Variants in CARD6 observed in about 807,000 individuals in gnomAD.
The protein encoded by CARD6 is caspase recruitment domain family member 6, also known as caspase recruitment domain-containing protein 6.
A neutral mutation model predicts 23.6 loss-of-function variants in CARD6; 27 were observed. That is an observed-to-expected ratio of 1.14 (90% CI 0.84 to 1.58). The LOEUF (loss-of-function observed/expected upper bound fraction) is 1.58. Among genes scored for constraint, CARD6 ranks in the 40% most tolerant of loss-of-function variants. The pLI is 0.00. For synonymous variants in CARD6, 397 were observed against 431.8 expected (o/e 0.92, Z 1.00); for missense variants, 1,214 against 1,209.9 (o/e 1.00, Z -0.05).
In CARD6 at chr5:40,841,568, T is replaced by C. The variant is rs762828782; in HGVS notation, c.186T>C (p.Ile62=). 9 of 1,614,078 alleles carry C rather than the reference T, an allele frequency of 5.6e-6. No homozygotes were observed. In the East Asian group the frequency reaches 2.0e-4, roughly 36 times the overall value. ...TGAAGAAAAGTCGGAAGCTGTTAAT[T>C]TTGGTACAGAAAAAGGGAGAGGCGA... is the stretch of plus-strand genomic sequence containing the variant. ...DLLKKSRKLL[I]LVQKKGEATC... The change falls in exon 1 of 3, where the codon ATT becomes ATC. Residue 62 remains isoleucine, a synonymous_variant. Transcript: ENST00000254691.
At chr5:40,846,916 C>T (rs1745976576) in intron 2 of CARD6, among the ~76,000 whole-genome samples, 1 of 152,134 alleles carries the variant, frequency 6.6e-6, no homozygotes, top group African/African-American at 2.4e-5. Flanking sequence ...ATTCTGTTGA[C>T]CAAAGCAAGT....
At position 40,854,329 on chromosome 5, in the gene CARD6, T is replaced by TCCC. The variant is rs772413694; in HGVS notation, c.2999_3001dup (p.Pro1000dup). The TCCC allele has an allele frequency of 2.4e-5, 39 of 1,613,914 alleles. No homozygotes were observed. The highest frequency in any genetic ancestry group is 3.2e-5 in the Non-Finnish European group (38 of 1,180,006). On this transcript the variant is annotated inframe_insertion, in exon 3 of 3. Transcript: ENST00000254691. ...AGCCTAAGCCAAGCCAGCCCTGGCC[T>TCCC]CCCCAGTCTAAGCCTTCTCAGCCCA...
At chr5:40,850,567 A>AG (rs1364316389) in intron 2 of CARD6, among the ~76,000 whole-genome samples, 3 of 150,494 alleles carry the variant, frequency 2.0e-5, no homozygotes, top group Non-Finnish European at 3.0e-5. Context: ...AAAAAAAAAA[A>AG]AAAAATTAGC....
chr5:40,841,691 G>A, intron 1 of CARD6, 26 bp downstream of exon 1: 4 of 1,567,624 alleles, frequency 2.6e-6, no homozygotes, highest in African/African-American at 1.4e-5. Context: ...ATACTTTTTG[G>A]GGTGAGAGGA....
At position 40,853,890 on chromosome 5, in the gene CARD6, A is replaced by G. The variant is rs187760413; in HGVS notation, c.2558A>G (p.Tyr853Cys). Residue 853 changes from tyrosine to cysteine, a missense_variant, in exon 3 of 3, where the codon TAT (tyrosine) becomes TGT (cysteine). Coordinates refer to ENST00000254691, the MANE Select transcript of CARD6 (RefSeq NM_032587.4). ...GTAGCCTCCAAGATAGGTCACTCCTATTCCCTGGATTCACAGCCAGCAAGA... is the reference window on the plus strand; with the variant it reads ...GTAGCCTCCAAGATAGGTCACTCCTGTTCCCTGGATTCACAGCCAGCAAGA... ...RAVASKIGHS[Y>C]SLDSQPARAV... is the part of the protein sequence containing the mutation. 398 of 1,614,170 alleles carry G rather than the reference A, an allele frequency of 2.5e-4. 2 individuals are homozygous for G. Among genetic ancestry groups the G allele is most frequent in the Non-Finnish European group, 1.1e-4 (130 of 1,180,030 alleles).
chr5:40,849,670 C>T (rs1746024110), intron 2 of CARD6, among the ~76,000 whole-genome samples: 1 of 152,116 alleles, frequency 6.6e-6, no homozygotes, highest in South Asian at 2.1e-4. Context: ...TATGTACTAT[C>T]TCTGTATTTA....
At chr5:40,846,851 TC>T (rs1189962313) in intron 2 of CARD6, among the ~76,000 whole-genome samples, 1 of 152,188 alleles carries the variant, frequency 6.6e-6, no homozygotes, top group Non-Finnish European at 1.5e-5. Context: ...CTGGGGGACT[TC>T]ATATCTTTTT....
intron 1 of CARD6, among the ~76,000 whole-genome samples, chr5:40,842,370 T>C (rs1745876513): frequency 6.6e-6 from 1 of 152,332 alleles, no homozygotes; most frequent in African/African-American, 2.4e-5. Context: ...AAGGTGAATG[T>C]TAGTGATACC....
In CARD6 at chr5:40,852,300, G is replaced by C; in HGVS notation, c.968G>C (p.Gly323Ala). 1 of 1,614,120 alleles carries C rather than the reference G, an allele frequency of 6.2e-7. No individual in the cohort carries two copies. Among genetic ancestry groups the C allele is most frequent in the Non-Finnish European group, 8.5e-7 (1 of 1,179,976 alleles). Reference protein sequence around the residue: ...RGCKWTPESPGDLAWNFLMKV... With the variant: ...RGCKWTPESPADLAWNFLMKV... ...TGTAAGTGGACCCCTGAGAGTCCAG[G>C]AGACTTAGCCTGGAATTTCCTGATG... is the stretch of plus-strand genomic sequence containing the variant. Residue 323 changes from glycine (G) to alanine (A), a missense_variant, in exon 3 of 3, where the codon GGA becomes GCA. Coordinates refer to ENST00000254691, the MANE Select transcript of CARD6 (RefSeq NM_032587.4).
intron 2 of CARD6, among the ~76,000 whole-genome samples, chr5:40,850,303 A>G (rs1252847338): frequency 1.3e-5 from 2 of 149,598 alleles, no homozygotes; most frequent in African/African-American, 2.5e-5. Context: ...GGTCCCAGCT[A>G]CTTGGGAGGC....
In CARD6 at chr5:40,852,272, G is replaced by A; in HGVS notation, c.940G>A (p.Gly314Arg). ...DFVKQFSLDR[G>R]CKWTPESPGD... ...TGTTAAACAATTCTCCTTAGATCGA[G>A]GATGTAAGTGGACCCCTGAGAGTCC... Residue 314 changes from glycine to arginine, a missense_variant, in exon 3 of 3, where the codon GGA becomes AGA. Physicochemically the swap from Gly to Arg is moderately radical, Grantham distance 125. Transcript: ENST00000254691. The A allele has an allele frequency of 6.2e-7, 1 of 1,614,034 alleles. No individual in the cohort carries two copies. The highest frequency in any genetic ancestry group is 8.5e-7 in the Non-Finnish European group (1 of 1,179,914).
intron 2 of CARD6, among the ~76,000 whole-genome samples, chr5:40,846,437 A>G (rs185526195): frequency 5.2e-4 from 79 of 152,266 alleles, no homozygotes; most frequent in African/African-American, 1.8e-3. Flanking sequence ...CATGCCATCT[A>G]TGCCATCTGT....
At position 40,854,414 on chromosome 5, in the gene CARD6, AAAGCAGGGCAGAAGAGGGGAGGG is replaced by A. The variant is rs1332264731; in HGVS notation, c.3088_3110del (p.Gly1030LeufsTer4). 6.2e-7 allele frequency: 1 copy of A among 1,613,936 alleles called. No homozygotes were observed. The highest frequency in any genetic ancestry group is 2.2e-5 in the East Asian group (1 of 44,888). ...TTCACAAGCTAAGGCACACCACTCA[AAAGCAGGGCAGAAGAGGGGAGGG>A]AAGCATTAAAGAGCTAACTCCAGAG... On this transcript the variant is annotated frameshift_variant, in exon 3 of 3. Coordinates refer to ENST00000254691, the MANE Select transcript of CARD6 (RefSeq NM_032587.4). LOFTEE classifies it high-confidence loss of function.
chr5:40,852,480 T>C lies in CARD6; in HGVS notation c.1148T>C (p.Met383Thr). Residue 383 changes from methionine to threonine, a missense_variant, in exon 3 of 3, where the codon ATG (methionine) becomes ACG (threonine). Coordinates refer to ENST00000254691, the MANE Select transcript of CARD6 (RefSeq NM_032587.4). ...INPLDVLCAT[M>T]LCSDSSLQRQ... ...CCCCTTGACGTGCTTTGTGCCACCATGCTGTGTTCAGATAGCTCTTTGCAA... is the reference window on the plus strand; with the variant it reads ...CCCCTTGACGTGCTTTGTGCCACCACGCTGTGTTCAGATAGCTCTTTGCAA... 6.2e-7 allele frequency: 1 copy of C among 1,614,190 alleles called. No homozygotes were observed. Among genetic ancestry groups the C allele is most frequent in the South Asian group, 1.1e-5 (1 of 91,088 alleles).
At chr5:40,849,641 G>T (rs905417012) in intron 2 of CARD6, among the ~76,000 whole-genome samples, 20 of 152,022 alleles carry the variant, frequency 1.3e-4, no homozygotes, top group African/African-American at 4.6e-4. Context: ...GAAAATCTAG[G>T]CTGATCTTCT....
Position 40,852,528 on chromosome 5 carries a change from A to G in CARD6, c.1196A>G (p.Tyr399Cys), listed in dbSNP as rs1164277348. ...SLQRQVMSNM[Y>C]QCQFALPLLL... The stretch of plus-strand genomic sequence containing the variant: ...CAACGCCAAGTCATGTCAAACATGT[A>G]TCAGTGCCAGTTTGCTCTTCCCCTG... Residue 399 changes from tyrosine (Y) to cysteine (C), a missense_variant, in exon 3 of 3, where the codon TAT (tyrosine) becomes TGT (cysteine). Tyr to Cys is a radical substitution (Grantham distance 194). Coordinates refer to ENST00000254691, the MANE Select transcript of CARD6 (RefSeq NM_032587.4). The G allele has an allele frequency of 3.1e-6, 5 of 1,614,154 alleles. No homozygotes were observed. Among genetic ancestry groups the G allele is most frequent in the East Asian group, 2.2e-5 (1 of 44,890 alleles).
Position 40,852,541 on chromosome 5 carries a change from T to G in CARD6, c.1209T>G (p.Phe403Leu). Reference protein sequence around the residue: ...QVMSNMYQCQFALPLLLPDAE... With the variant: ...QVMSNMYQCQLALPLLLPDAE... ...TGTCAAACATGTATCAGTGCCAGTT[T>G]GCTCTTCCCCTGCTACTGCCAGATG... Residue 403 changes from phenylalanine (F) to leucine (L), a missense_variant, in exon 3 of 3, where the codon TTT becomes TTG. Phe to Leu is a conservative substitution (Grantham distance 22). Transcript: ENST00000254691. 1.2e-6 allele frequency: 2 copies of G among 1,614,226 alleles called. No homozygotes were observed. Among genetic ancestry groups the G allele is most frequent in the Non-Finnish European group, 1.7e-6 (2 of 1,180,042 alleles).
chr5:40,852,607 A>G lies in CARD6; in HGVS notation c.1275A>G (p.Lys425=). The G allele has an allele frequency of 6.2e-7, 1 of 1,614,214 alleles. No individual in the cohort carries two copies. Among genetic ancestry groups the G allele is most frequent in the Non-Finnish European group, 8.5e-7 (1 of 1,180,040 alleles). The part of the protein sequence containing the change: ...NKSILMLGAM[K]DIVKKQSTQF... ...GCATCTTAATGCTGGGGGCCATGAA[A>G]GACATTGTGAAGAAGCAGTCAACAC... The change falls in exon 3 of 3, where the codon AAA becomes AAG. Residue 425 remains lysine (K), a synonymous_variant. Coordinates refer to ENST00000254691, the MANE Select transcript of CARD6 (RefSeq NM_032587.4).
rs188031517 is a variant in CARD6, at chr5:40,846,092, A to T, written c.841+2383A>T. ...CAGTGGCATGATCTTGGCTCACTGC[A>T]ACCTCTGCCTCCTGGGTTCAAGCGA... On this transcript the variant is annotated intron_variant, in intron 2 of 2. Transcript: ENST00000254691. Among the ~76,000 whole-genome samples the T allele has an allele frequency of 5.0e-3, 762 of 151,336 alleles. 2 individuals are homozygous for T. The highest frequency in any genetic ancestry group is 6.8e-3 in the Non-Finnish European group (460 of 67,920).
Sources: gnomAD v4.1 joint callset for allele counts (sites outside exome capture counted in the v4.1 genomes callset) on GRCh38, gnomAD v4.1.1 for gene constraint, MANE v1.5 for transcripts, NCBI Gene and HGNC (gene_info 2026-07-23, HGNC 2026-07-21) for gene names.